The following CLCN7 variants were observed in gnomAD, a reference collection of about 807,000 sequenced individuals.
The protein encoded by CLCN7 is Cl-/H+ antiporter 7.
In CLCN7, 60 loss-of-function variants were observed where a neutral mutation model predicts 102.1. The observed-to-expected ratio is 0.59, with a 90% confidence interval of 0.48 to 0.73. CLCN7 has a LOEUF of 0.73. Among genes scored for constraint, CLCN7 ranks in the 30% least tolerant of loss-of-function variants. The pLI is 0.00. For synonymous variants in CLCN7, 560 were observed against 490.5 expected (o/e 1.14, Z -1.87); for missense variants, 962 against 1,125.7 (o/e 0.85, Z 2.08).
chr16:1,453,747 G>A (rs2038790211), intron 14 of CLCN7, 87 bp downstream of exon 14: 27 of 1,257,444 alleles, frequency 2.1e-5, no homozygotes, highest in Non-Finnish European at 3.0e-5. Context: ...TGGCCTAGGA[G>A]TGTAAACCCC....
At chr16:1,464,619 C>G (rs769407648) in intron 2 of CLCN7, among the ~76,000 whole-genome samples, 10 of 152,226 alleles carry the variant, frequency 6.6e-5, no homozygotes, top group Non-Finnish European at 1.3e-4. Flanking sequence ...CTGTGAGATG[C>G]CTCAGCCTCT....
intron 1 of CLCN7, among the ~76,000 whole-genome samples, chr16:1,468,297 G>T (rs536663616): frequency 6.6e-6 from 1 of 152,240 alleles, no homozygotes. Flanking sequence ...CGCCTTGGCA[G>T]ATCCGAGAGG....
chr16:1,455,642 C>G (rs1250812766), intron 11 of CLCN7, 89 bp downstream of exon 11: 1 of 1,390,990 alleles, frequency 7.2e-7, no homozygotes, highest in Non-Finnish European at 1.0e-6. Flanking sequence ...AGCCGCAGCT[C>G]GATGGGTGGC....
intron 2 of CLCN7, among the ~76,000 whole-genome samples, chr16:1,463,949 A>G (rs113424038): frequency 0.012 from 1,803 of 152,062 alleles, 33 homozygotes; most frequent in African/African-American, 0.04. Context: ...TAATATTTAT[A>G]TTTTTTGTAG....
chr16:1,468,142 G>A (rs1271533750), intron 1 of CLCN7, among the ~76,000 whole-genome samples: 2 of 152,032 alleles, frequency 1.3e-5, no homozygotes, highest in East Asian at 1.9e-4. Flanking sequence ...TGTCCTGGGC[G>A]CCAGGCCTGG....
At position 1,457,765 on chromosome 16, in the gene CLCN7, C is replaced by G. The variant is rs758151447; in HGVS notation, c.676-9G>C. 3.7e-6 allele frequency: 6 copies of G among 1,613,366 alleles called. No homozygotes were observed. The highest frequency in any genetic ancestry group is 5.1e-6 in the Non-Finnish European group (6 of 1,179,564). On this transcript the variant is annotated splice_polypyrimidine_tract_variant and intron_variant, in intron 7 of 24. Transcript: ENST00000382745. This position sits in a 1 kb window ranked among gnomAD's most constrained non-coding sequence, Gnocchi z 5.4. ...ACTTTGATCACCAACGTCTGAAACA[C>G]AGGGAGACGCATGGCCTCTGATGAA...
rs1028346735 is a variant in CLCN7 at position 1,457,115 on chromosome 16, G to A, written c.822+139C>T. 8 of 813,558 alleles carry A rather than the reference G, an allele frequency of 9.8e-6. No homozygotes were observed. The highest frequency in any genetic ancestry group is 8.5e-5 in the South Asian group (6 of 70,692). The allele number at this position is 813,558 out of a possible 1,614,324, so 50.4% of individuals were successfully genotyped here. Reference sequence around the variant, plus strand: ...GGCAGGGACTGTGCCCGCTGGCTCTGGGAGCCACCCGCCAGGCTGTCCTCA... The same window carrying A: ...GGCAGGGACTGTGCCCGCTGGCTCTAGGAGCCACCCGCCAGGCTGTCCTCA... On this transcript the variant is annotated intron_variant, in intron 9 of 24. Transcript: ENST00000382745. This position sits in a 1 kb window ranked among gnomAD's most constrained non-coding sequence, Gnocchi z 5.4.
chr16:1,461,743 T>G, intron 2 of CLCN7, 69 bp from the exon 3 acceptor site: 1 of 1,308,090 alleles, frequency 7.6e-7, no homozygotes, highest in South Asian at 1.2e-5. Context: ...CCCTCTCAGC[T>G]CACACACGAG....
rs35890312 is a variant in CLCN7, at chr16:1,471,413, A to C, written c.141+3421T>G. 3.2e-3 allele frequency among the ~76,000 whole-genome samples: 489 copies of C among 152,072 alleles called. 2 individuals carry two copies. The highest frequency in any genetic ancestry group is 4.2e-3 in the South Asian group (20 of 4,806). On this transcript the variant is annotated intron_variant, in intron 1 of 24. Transcript: ENST00000382745. ...CTCAAAACAGCTCTGGAGGCCTTGA[A>C]CCCAAGGGCAGCTTACAGTACCCCG...
At chr16:1,455,939 C>T (rs1203302356) in intron 10 of CLCN7, 144 bp from the exon 11 acceptor site, 2 of 1,060,760 alleles carry the variant, frequency 1.9e-6, no homozygotes, top group Non-Finnish European at 2.8e-6. Context: ...GAGAGGGACC[C>T]TGAGGGAGGT....
chr16:1,473,321 C>T (rs1273779185), intron 1 of CLCN7, among the ~76,000 whole-genome samples: 1 of 149,978 alleles, frequency 6.7e-6, no homozygotes, highest in Non-Finnish European at 1.5e-5. Flanking sequence ...TTGGGAAAAC[C>T]TAAATGTAGG....
At chr16:1,446,749 C>A (rs777522217) in intron 24 of CLCN7, 32 bp from the exon 25 acceptor site, 2 of 1,533,758 alleles carry the variant, frequency 1.3e-6, no homozygotes, top group Non-Finnish European at 1.8e-6. Context: ...CAGTGACACA[C>A]GGGTCGGCTC....
At position 1,447,719 on chromosome 16, in the gene CLCN7, A is replaced by G. The variant is rs1032878925; in HGVS notation, c.2014-5T>C. 2.6e-6 allele frequency: 4 copies of G among 1,551,520 alleles called. No homozygotes were observed. Among genetic ancestry groups the G allele is most frequent in the Non-Finnish European group, 2.6e-6 (3 of 1,147,880 alleles). ...CAGGCCCTGGAGCCGGGCAGGCTGC[A>G]AGACAGGCCCGCGGTCAGGGCCACG... is the stretch of plus-strand genomic sequence containing the variant. On this transcript the variant is annotated splice_polypyrimidine_tract_variant and splice_region_variant and intron_variant, in intron 21 of 24. Transcript: ENST00000382745.
chr16:1,460,560 C>T, intron 5 of CLCN7, 33 bp from the exon 6 acceptor site: 1 of 1,546,962 alleles, frequency 6.5e-7, no homozygotes, highest in Non-Finnish European at 8.9e-7. Context: ...GGCTGCTTCC[C>T]CGTCATGACC....
Position 1,455,979 on chromosome 16 carries a change from C to T in CLCN7, c.916+134G>A, listed in dbSNP as rs12923519. 0.085 allele frequency: 84,285 copies of T among 993,236 alleles called. 4,260 individuals are homozygous for T. Among genetic ancestry groups the T allele is most frequent in the Non-Finnish European group, 0.1 (68,675 of 662,832 alleles). 61.5% of individuals were successfully genotyped at this position (993,236 alleles called of 1,614,324 possible). A position where few individuals can be genotyped will look rare whatever the true frequency, so the allele number is the denominator to read the frequency against. ...GGGCTGGACCCAAGTACACTGCCGG[C>T]CGCTTCCAAATGCCCCGGCCGTGAC... On this transcript the variant is annotated intron_variant, in intron 10 of 24. Coordinates refer to ENST00000382745, the MANE Select transcript of CLCN7 (RefSeq NM_001287.6).
chr16:1,453,884 A>C lies in CLCN7; in HGVS notation c.1164T>G (p.Leu388=). Residue 388 remains leucine (L), a synonymous_variant, in exon 14 of 25, where the codon CTT becomes CTG. Coordinates refer to ENST00000382745, the MANE Select transcript of CLCN7 (RefSeq NM_001287.6). The part of the protein sequence containing the change: ...FIAMGVVGGV[L]GAVFNALNYW... ...AGTTCAAGGCATTGAACACTGCTCC[A>C]AGCACACCGCCTGCGAACAGGGGAA... 6.2e-7 allele frequency: 1 copy of C among 1,613,226 alleles called. No homozygotes were observed. The highest frequency in any genetic ancestry group is 8.5e-7 in the Non-Finnish European group (1 of 1,180,022).
chr16:1,453,964 G>T, intron 13 of CLCN7, 70 bp from the exon 14 acceptor site: 1 of 1,502,704 alleles, frequency 6.7e-7, no homozygotes, highest in Non-Finnish European at 9.3e-7. Flanking sequence ...CCGGCTCCCA[G>T]ATGGCAGGAG....
chr16:1,448,145 C>A (rs1567263924), intron 21 of CLCN7: 11 of 709,344 alleles, frequency 1.6e-5, no homozygotes, highest in Non-Finnish European at 1.4e-5. Context: ...GGGTGCCAAC[C>A]CCAAGACCCT....
At chr16:1,473,295 G>C (rs1596232835) in intron 1 of CLCN7, among the ~76,000 whole-genome samples, 1 of 151,852 alleles carries the variant, frequency 6.6e-6, no homozygotes, top group South Asian at 2.1e-4. Flanking sequence ...TCTTTGTCTG[G>C]TGCGTTTCTA....
Sources: allele counts gnomAD v4.1 joint callset (sites outside exome capture counted in the v4.1 genomes callset), GRCh38; gene constraint gnomAD v4.1.1; non-coding constraint Gnocchi (gnomAD v3.1); transcripts MANE v1.5; gene names NCBI Gene and HGNC (gene_info 2026-07-23, HGNC 2026-07-21).